The following MAP7 variants were observed in gnomAD, a reference collection of about 807,000 sequenced individuals.
MAP7 encodes microtubule associated protein 7.
A neutral mutation model predicts 94.8 loss-of-function variants in MAP7; 52 were observed. The observed-to-expected ratio is 0.55, with a 90% CI of 0.44 to 0.69. MAP7 has a LOEUF of 0.69. Among genes scored for constraint, MAP7 ranks in the 30% least tolerant of loss-of-function variants. The pLI, the probability that MAP7 is intolerant of heterozygous loss-of-function variation, is 0.00. For synonymous variants in MAP7, 350 were observed against 357.0 expected, an observed-to-expected ratio of 0.98 and a Z score of 0.22; for missense variants, 940 against 964.6, an observed-to-expected ratio of 0.97 and a Z score of 0.34.
chr6:136,457,430 T>G (rs1365746379), intron 1 of MAP7, among the ~76,000 whole-genome samples: 2 of 151,988 alleles, frequency 1.3e-5, no homozygotes, highest in African/African-American at 2.4e-5. Flanking sequence ...AACTCTTCCA[T>G]GAAATTGAAG....
chr6:136,469,127 G>A (rs1033093950), intron 1 of MAP7, among the ~76,000 whole-genome samples: 32 of 152,152 alleles, frequency 2.1e-4, no homozygotes, highest in Non-Finnish European at 2.8e-4. Context: ...GCATGGAGCA[G>A]TGGGTACTAT....
At chr6:136,513,956 C>T (rs995017546) in intron 1 of MAP7, among the ~76,000 whole-genome samples, 1 of 152,140 alleles carries the variant, frequency 6.6e-6, no homozygotes. Flanking sequence ...CTCACCTGTA[C>T]GTAAGTCCCC....
chr6:136,445,223 C>T (rs145853043), intron 1 of MAP7, among the ~76,000 whole-genome samples: 6 of 152,254 alleles, frequency 3.9e-5, no homozygotes, highest in African/African-American at 1.2e-4. Flanking sequence ...CCTTTGAGGA[C>T]GGCTTCCCTC....
chr6:136,420,000 C>T (rs2128765955), intron 2 of MAP7: 1 of 782,104 alleles, frequency 1.3e-6, no homozygotes, highest in Non-Finnish European at 2.3e-6. Context: ...ACTGTTGTGA[C>T]TCAAGGATAT....
At chr6:136,410,621 T>C (rs991002465) in intron 3 of MAP7, among the ~76,000 whole-genome samples, 1 of 152,156 alleles carries the variant, frequency 6.6e-6, no homozygotes, top group East Asian at 1.9e-4. Context: ...GCAAAAGAAA[T>C]GACCTCATAT....
At chr6:136,420,410 G>A in intron 2 of MAP7, 1 of 522,304 alleles carries the variant, frequency 1.9e-6, no homozygotes, top group Middle Eastern at 4.5e-4. Flanking sequence ...TCAGCTACCA[G>A]GTCCACTTCT....
chr6:136,548,895 C>G (rs1028606105), intron 1 of MAP7, among the ~76,000 whole-genome samples: 2 of 152,310 alleles, frequency 1.3e-5, no homozygotes, highest in African/African-American at 4.8e-5. Context: ...TGGGGGAGCC[C>G]CGTCCCAGCG....
At chr6:136,532,236 T>C (rs1779132524) in intron 1 of MAP7, among the ~76,000 whole-genome samples, 1 of 152,102 alleles carries the variant, frequency 6.6e-6, no homozygotes, top group Admixed American at 6.5e-5. Context: ...GCGTGCCTAA[T>C]AGGAGGACAA....
chr6:136,420,622 A>G (rs1319210129), intron 2 of MAP7, among the ~76,000 whole-genome samples: 1 of 152,192 alleles, frequency 6.6e-6, no homozygotes, highest in East Asian at 1.9e-4. Context: ...GGCTAGATGG[A>G]TGGATAAATG....
At chr6:136,394,956 ATATATATATATATATC>A (rs1331304284) in intron 3 of MAP7, among the ~76,000 whole-genome samples, 2 of 118,502 alleles carry the variant, frequency 1.7e-5, no homozygotes, top group African/African-American at 6.8e-5. Context: ...ATATATATAT[ATATATATATATATATC>A]ACATTTTCCT....
intron 1 of MAP7, among the ~76,000 whole-genome samples, chr6:136,428,979 G>A (rs1324797231): frequency 2.0e-5 from 3 of 152,094 alleles, no homozygotes; most frequent in Non-Finnish European, 4.4e-5. Context: ...ATAAGAAAAT[G>A]TATTCTTTTT....
chr6:136,486,168 A>G (rs1814674408), intron 1 of MAP7, among the ~76,000 whole-genome samples: 1 of 152,220 alleles, frequency 6.6e-6, no homozygotes, highest in Non-Finnish European at 1.5e-5. Context: ...ACTAAAGTCA[A>G]TGCCAAAATC....
chr6:136,458,625 T>G (rs1249196424), intron 1 of MAP7, among the ~76,000 whole-genome samples: 1 of 152,020 alleles, frequency 6.6e-6, no homozygotes, highest in African/African-American at 2.4e-5. Context: ...AAATATATGG[T>G]CAACTGATCT....
chr6:136,453,967 T>C (rs531135076), intron 1 of MAP7, among the ~76,000 whole-genome samples: 22 of 152,356 alleles, frequency 1.4e-4, no homozygotes, highest in African/African-American at 5.1e-4. Context: ...GGGCTTTTTT[T>C]CCTTTTTTTG....
intron 4 of MAP7, 123 bp from the exon 5 acceptor site, chr6:136,388,633 G>A: frequency 1.3e-6 from 1 of 745,054 alleles, no homozygotes; most frequent in Non-Finnish European, 2.3e-6. Flanking sequence ...TTGATCTCTA[G>A]CTGAACTTCT....
intron 1 of MAP7, among the ~76,000 whole-genome samples, chr6:136,423,607 T>C (rs1277194879): frequency 6.6e-6 from 1 of 151,930 alleles, no homozygotes; most frequent in Non-Finnish European, 1.5e-5. Flanking sequence ...ATTGATATGA[T>C]GTTTAGGGTA....
chr6:136,529,813 G>T (rs528038391), intron 1 of MAP7, among the ~76,000 whole-genome samples: 1 of 152,124 alleles, frequency 6.6e-6, no homozygotes, highest in East Asian at 1.9e-4. Flanking sequence ...GGCCCCACCC[G>T]CTTGGTCCAC....
chr6:136,494,579 T>C (rs1817645833), intron 1 of MAP7, among the ~76,000 whole-genome samples: 1 of 152,206 alleles, frequency 6.6e-6, no homozygotes, highest in African/African-American at 2.4e-5. Context: ...TTTTCTGTTA[T>C]GTCTTTTACC....
intron 1 of MAP7, among the ~76,000 whole-genome samples, chr6:136,490,883 C>A (rs1816377035): frequency 6.6e-6 from 1 of 152,212 alleles, no homozygotes. Context: ...TGTAGACTCT[C>A]ATCCTACATC....
Sources: allele counts gnomAD v4.1 joint callset (sites outside exome capture counted in the v4.1 genomes callset), GRCh38; gene constraint gnomAD v4.1.1; transcripts MANE v1.5; gene names NCBI Gene and HGNC (gene_info 2026-07-23, HGNC 2026-07-21).